SZT2: variants seen among roughly 807,000 people sequenced by gnomAD.
SZT2 encodes SZT2 subunit of KICSTOR complex.
Under a neutral mutation model 404.2 loss-of-function variants are expected in SZT2, and 216 were observed. The observed-to-expected ratio is 0.53, with a 90% CI of 0.48 to 0.60. The LOEUF (loss-of-function observed/expected upper bound fraction) is 0.60, where lower values mean the gene tolerates loss of function less well. Ranked by LOEUF, SZT2 falls within the 20% of genes least tolerant of loss-of-function variation. SZT2 has a pLI of 0.00. For synonymous variants in SZT2, 1,693 were observed against 1,749.9 expected, an observed-to-expected ratio of 0.97 and a Z score of 0.81; for missense variants, 3,857 against 4,459.2, an observed-to-expected ratio of 0.86 and a Z score of 3.85.
Position 43,424,262 on chromosome 1 carries a change from A to G in SZT2, c.2301A>G (p.Thr767=). 6 of 1,597,932 alleles carry G rather than the reference A, an allele frequency of 3.8e-6. No homozygotes were observed. Among genetic ancestry groups the G allele is most frequent in the South Asian group, 1.1e-5 (1 of 91,084 alleles). ...PLDYRAPFLL[T]LEPPGPLPLV... is the part of the protein sequence containing the mutation. ...ACTACCGGGCACCCTTCTTGCTGAC[A>G]TTGGAGCCACCAGGTCCACTGCCCT... The change falls in exon 16 of 72, where the codon ACA becomes ACG. Residue 767 remains threonine, a synonymous_variant. Transcript: ENST00000634258. The surrounding 1 kb of genome is among the most constrained non-coding windows in gnomAD (Gnocchi z 4.1).
At chr1:43,409,490 C>A in intron 4 of SZT2, 1 of 397,186 alleles carries the variant, frequency 2.5e-6, no homozygotes, top group Non-Finnish European at 4.9e-6. Context: ...TCCTTGTTTG[C>A]AGATGATATG....
At chr1:43,427,953 G>A in intron 26 of SZT2, 50 bp from the exon 27 acceptor site, 5 of 1,516,480 alleles carry the variant, frequency 3.3e-6, no homozygotes, top group Non-Finnish European at 4.6e-6. Context: ...ATGAGTGTGA[G>A]GTATCACTTA....
Position 43,452,374 on chromosome 1 carries a change from TC to T in SZT2, c.*1896del. ...CTCCCTTGGCTCTCTCTGCACCTCT[TC>T]CAGGATTCCCTGACTGTGCCAGCCC... On this transcript the variant is annotated 3_prime_UTR_variant, in exon 72 of 72. Coordinates refer to ENST00000634258, the MANE Select transcript of SZT2 (RefSeq NM_001365999.1). The T allele has an allele frequency of 7.2e-7, 1 of 1,393,192 alleles. No homozygotes were observed. Among genetic ancestry groups the T allele is most frequent in the Non-Finnish European group, 1.0e-6 (1 of 991,274 alleles). 86.3% of individuals were successfully genotyped at this position (1,393,192 alleles called of 1,614,324 possible). A position where few individuals can be genotyped will look rare whatever the true frequency, so the allele number is the denominator to read the frequency against.
chr1:43,452,029 G>C lies in SZT2; in HGVS notation c.*1549G>C. ...CGAGGTCCTCCTAGCAGCATGTCGG[G>C]TGCTGTGAATAGAGCTCCTTCCCAA... On this transcript the variant is annotated 3_prime_UTR_variant, in exon 72 of 72. Transcript: ENST00000634258. The C allele has an allele frequency of 1.3e-6, 2 of 1,597,406 alleles. No individual in the cohort carries two copies. The highest frequency in any genetic ancestry group is 2.3e-5 in the South Asian group (2 of 88,696).
chr1:43,450,023 C>T lies in SZT2; in HGVS notation c.10087-80C>T. ...GAGGTGTGGAGATGGAAGTAGGCCTCTCCTCATCCTCCCTTCACCTCAGGA... is the reference window on the plus strand; with the variant it reads ...GAGGTGTGGAGATGGAAGTAGGCCTTTCCTCATCCTCCCTTCACCTCAGGA... On this transcript the variant is annotated intron_variant, in intron 70 of 71. Transcript: ENST00000634258. The surrounding 1 kb of genome is among the most constrained non-coding windows in gnomAD (Gnocchi z 4.3). The T allele has an allele frequency of 1.3e-6, 2 of 1,561,812 alleles. No individual in the cohort carries two copies.
At position 43,453,467 on chromosome 1, in the gene SZT2, C is replaced by G; in HGVS notation, c.*2987C>G. 6.4e-7 allele frequency: 1 copy of G among 1,561,952 alleles called. No homozygotes were observed. On this transcript the variant is annotated 3_prime_UTR_variant, in exon 72 of 72. Coordinates refer to ENST00000634258, the MANE Select transcript of SZT2 (RefSeq NM_001365999.1). ...GGCCGCCTGTCTCCCGGGGACGGCC[C>G]CCAGCCCCATTTCCCCCTTCTCTTG...
chr1:43,439,919 G>A lies in SZT2; in HGVS notation c.7081G>A (p.Glu2361Lys). Residue 2361 changes from glutamate to lysine, a missense_variant, in exon 51 of 72, where the codon GAA (glutamate) becomes AAA (lysine). Transcript: ENST00000634258. This position sits in a 1 kb window ranked among gnomAD's most constrained non-coding sequence, Gnocchi z 4.2. ...CCCACGGCTTCGATTGGATGTGTGG[G>A]AAAAGGGGAACATTAGTATTGTGCA... The part of the protein sequence containing the change: ...GAPRLRLDVW[E>K]KGNISIVQLE... 6.2e-7 allele frequency: 1 copy of A among 1,611,168 alleles called. No individual in the cohort carries two copies. Among genetic ancestry groups the A allele is most frequent in the Non-Finnish European group, 8.5e-7 (1 of 1,178,406 alleles).
At chr1:43,399,575 C>G (rs545480775) in intron 1 of SZT2, among the ~76,000 whole-genome samples, 1 of 150,954 alleles carries the variant, frequency 6.6e-6, no homozygotes, top group African/African-American at 2.4e-5. Context: ...CATTCTCCTG[C>G]GTCAGCCTCC....
intron 40 of SZT2, among the ~76,000 whole-genome samples, chr1:43,434,078 AGACTT>A (rs1289553804): frequency 6.6e-6 from 1 of 152,178 alleles, no homozygotes; most frequent in African/African-American, 2.4e-5. Flanking sequence ...ATTCTGAAGA[AGACTT>A]GAGAAGAAAG....
intron 65 of SZT2, 195 bp downstream of exon 65, chr1:43,446,611 G>C: frequency 1.4e-6 from 1 of 691,056 alleles, no homozygotes; most frequent in East Asian, 2.7e-5. Context: ...TGACCCCATC[G>C]GTCATCCAAA....
rs892611855 is a variant in SZT2, at chr1:43,452,406, C to T, written c.*1926C>T. On this transcript the variant is annotated 3_prime_UTR_variant, in exon 72 of 72. Coordinates refer to ENST00000634258, the MANE Select transcript of SZT2 (RefSeq NM_001365999.1). ...TTCCCTGACTGTGCCAGCCCTCGTC[C>T]GTCTCCCCAGGTCTCCAGTCCATGG... The T allele has an allele frequency of 4.6e-6, 5 of 1,090,126 alleles. No individual in the cohort carries two copies. Among genetic ancestry groups the T allele is most frequent in the African/African-American group, 1.6e-5 (1 of 64,080 alleles). 67.5% of individuals were successfully genotyped at this position (1,090,126 alleles called of 1,614,324 possible).
At chr1:43,433,794 A>G (rs778223933) in intron 40 of SZT2, among the ~76,000 whole-genome samples, 1 of 152,252 alleles carries the variant, frequency 6.6e-6, no homozygotes, top group Non-Finnish European at 1.5e-5. Flanking sequence ...ATAATAAGGC[A>G]TAATAGCTAA....
chr1:43,403,613 C>A lies in SZT2; in HGVS notation c.166C>A (p.Gln56Lys). The A allele has an allele frequency of 6.2e-7, 1 of 1,612,722 alleles. No homozygotes were observed. Among genetic ancestry groups the A allele is most frequent in the Non-Finnish European group, 8.5e-7 (1 of 1,178,848 alleles). The change falls in exon 3 of 72, where the codon CAG becomes AAG. Residue 56 changes from glutamine (Q) to lysine (K), a missense_variant. This residue lies in a region of SZT2 where 536 missense variants were observed against 637.4 expected (regional missense o/e 0.84). Transcript: ENST00000634258. The stretch of plus-strand genomic sequence containing the variant: ...TCCTAATTTTCAGCTTCAGTCTGAA[C>A]AGGAATTGGAAGTCCTCAGTGTCCT... ...TPQEMLLQSE[Q>K]ELEVLSVLPP... is the part of the protein sequence containing the mutation.
intron 11 of SZT2, 65 bp from the exon 12 acceptor site, chr1:43,422,018 C>T: frequency 1.3e-6 from 2 of 1,521,300 alleles, no homozygotes; most frequent in Non-Finnish European, 1.8e-6. Flanking sequence ...GTTTTGTTTG[C>T]TCTTTGGAGT....
chr1:43,433,520 G>T (rs182628759), intron 40 of SZT2, among the ~76,000 whole-genome samples: 10 of 152,352 alleles, frequency 6.6e-5, no homozygotes, highest in Admixed American at 6.5e-4. Context: ...GGTAGCTCAT[G>T]CCCGTAATCC....
chr1:43,444,603 T>C (rs1209506457), intron 62 of SZT2, among the ~76,000 whole-genome samples: 1 of 152,142 alleles, frequency 6.6e-6, no homozygotes, highest in African/African-American at 2.4e-5. Context: ...TGGCCAGTAC[T>C]GACAGGTCTG....
rs753631450 is a variant in SZT2 at position 43,453,726 on chromosome 1, C to G, written c.*3246C>G. On this transcript the variant is annotated 3_prime_UTR_variant, in exon 72 of 72. Coordinates refer to ENST00000634258, the MANE Select transcript of SZT2 (RefSeq NM_001365999.1). ...GCCCGAGCTGCCCGCGGCCCGCACC[C>G]GCGCGGGGAGGCCGGAGAGCTCGGG... 1.4e-6 allele frequency: 2 copies of G among 1,390,006 alleles called. No homozygotes were observed. Among genetic ancestry groups the G allele is most frequent in the South Asian group, 3.3e-5 (2 of 61,212 alleles). 86.1% of individuals were successfully genotyped at this position (1,390,006 alleles called of 1,614,324 possible). A position where few individuals can be genotyped will look rare whatever the true frequency, so the allele number is the denominator to read the frequency against.
intron 1 of SZT2, among the ~76,000 whole-genome samples, chr1:43,401,216 T>C (rs976261945): frequency 2.6e-5 from 4 of 152,226 alleles, no homozygotes; most frequent in Non-Finnish European, 5.9e-5. Flanking sequence ...TGAACCGTTA[T>C]GCCCAGCTGT....
At chr1:43,399,740 C>T (rs1360962512) in intron 1 of SZT2, among the ~76,000 whole-genome samples, 1 of 150,244 alleles carries the variant, frequency 6.7e-6, no homozygotes, top group South Asian at 2.1e-4. Flanking sequence ...GGATTACAGA[C>T]GTGAGCCATG....
Sources: allele counts gnomAD v4.1 joint callset (sites outside exome capture counted in the v4.1 genomes callset), GRCh38; gene constraint gnomAD v4.1.1; regional missense constraint gnomAD v4.1.1; non-coding constraint Gnocchi (gnomAD v3.1); transcripts MANE v1.5; gene names NCBI Gene and HGNC (gene_info 2026-07-23, HGNC 2026-07-21).